The following RNF41 variants were observed in gnomAD, a reference collection of about 807,000 sequenced individuals.
RNF41 encodes ring finger protein 41.
A neutral mutation model predicts 33.0 loss-of-function variants in RNF41; 4 were observed. That is an observed-to-expected ratio of 0.12 (90% CI 0.06 to 0.28). The LOEUF is 0.28. Among genes scored for constraint, RNF41 ranks in the 10% least tolerant of loss-of-function variants. RNF41 has a pLI of 1.00. For synonymous variants in RNF41, 164 were observed against 153.2 expected (o/e 1.07, Z -0.52); for missense variants, 228 against 432.6 (o/e 0.53, Z 4.19).
rs372020439 is a variant in RNF41 at position 56,208,147 on chromosome 12, G to T, written c.498+16C>A. On this transcript the variant is annotated intron_variant, in intron 5 of 6. Transcript: ENST00000345093. The stretch of plus-strand genomic sequence containing the variant: ...GCATATGAGGGATATGTTCTCCCCC[G>T]TGTCTTGGGGCCTACCTGCTCCGCC... The T allele has an allele frequency of 6.2e-7, 1 of 1,614,052 alleles. No homozygotes were observed. Among genetic ancestry groups the T allele is most frequent in the South Asian group, 1.1e-5 (1 of 91,080 alleles).
intron 1 of RNF41, among the ~76,000 whole-genome samples, chr12:56,217,238 C>A (rs982494216): frequency 1.3e-5 from 2 of 151,318 alleles, no homozygotes; most frequent in African/African-American, 4.9e-5. Flanking sequence ...ATAATGATTC[C>A]AAATCTGTGA....
At position 56,217,064 on chromosome 12, in the gene RNF41, T is replaced by C. The variant is rs540845873; in HGVS notation, c.-208-451A>G. Among the ~76,000 whole-genome samples the C allele has an allele frequency of 8.2e-5, 12 of 146,846 alleles. No individual in the cohort carries two copies. The East Asian group carries it at 1.4e-3, about 17-fold the overall frequency. On this transcript the variant is annotated intron_variant, in intron 1 of 6. Transcript: ENST00000345093. ...CTGAGGCAGGAGAATGGCGTGAACC[T>C]AGGAGCTGCAGCTTGCAGTGAGCCG... is the stretch of plus-strand genomic sequence containing the variant.
chr12:56,219,658 T>TACGC, intron 1 of RNF41, among the ~76,000 whole-genome samples: 1 of 150,882 alleles, frequency 6.6e-6, no homozygotes, highest in South Asian at 2.1e-4. Context: ...TGTGTGTGTA[T>TACGC]ATATGTGTAT....
chr12:56,213,061 G>A (rs564297338), intron 3 of RNF41: 5 of 1,289,636 alleles, frequency 3.9e-6, no homozygotes, highest in Non-Finnish European at 5.1e-6. Context: ...GTCTGGCAAG[G>A]CTGGCAGAGA....
intron 3 of RNF41, among the ~76,000 whole-genome samples, chr12:56,210,961 C>T (rs1454321051): frequency 1.3e-5 from 2 of 152,060 alleles, no homozygotes; most frequent in African/African-American, 4.8e-5. Flanking sequence ...CCGAGGCAGG[C>T]GGATCATGAG....
chr12:56,209,818 G>A (rs1592351546), intron 4 of RNF41, among the ~76,000 whole-genome samples: 1 of 152,134 alleles, frequency 6.6e-6, no homozygotes, highest in East Asian at 1.9e-4. Flanking sequence ...TGGCCAGGTT[G>A]GTCTTGAACT....
At chr12:56,220,604 G>A (rs980603372) in intron 1 of RNF41, among the ~76,000 whole-genome samples, 27 of 151,964 alleles carry the variant, frequency 1.8e-4, no homozygotes, top group African/African-American at 5.8e-4. Flanking sequence ...CATGGTGGCA[G>A]GTACCTGTAA....
At position 56,206,565 on chromosome 12, in the gene RNF41, C is replaced by T. The variant is rs1442853313; in HGVS notation, c.836G>A (p.Arg279His). Residue 279 changes from arginine (R) to histidine (H), a missense_variant, in exon 7 of 7, where the codon CGC becomes CAC. Arg to His is a conservative substitution (Grantham distance 29). Around this residue, in one of 2 missense-constraint regions of RNF41, gnomAD observed 199 missense variants for 334.6 expected, o/e 0.59. Transcript: ENST00000345093. This position sits in a 1 kb window ranked among gnomAD's most constrained non-coding sequence, Gnocchi z 5.7. The part of the protein sequence containing the change: ...RRYYENYVAK[R>H]IPGKQAVVVM... ...GACAACAGCCTGCTTGCCAGGGATGCGCTTGGCCACGTAGTTCTCATAGTA... is the reference window on the plus strand; with the variant it reads ...GACAACAGCCTGCTTGCCAGGGATGTGCTTGGCCACGTAGTTCTCATAGTA... 9.3e-6 allele frequency: 15 copies of T among 1,614,066 alleles called. No homozygotes were observed. Among genetic ancestry groups the T allele is most frequent in the Admixed American group, 1.7e-5 (1 of 59,996 alleles).
At chr12:56,213,179 C>T in intron 3 of RNF41, 2 of 1,213,840 alleles carry the variant, frequency 1.6e-6, no homozygotes, top group African/African-American at 1.6e-5. Context: ...TCAGTACATA[C>T]AGTTCCCCAC....
chr12:56,213,857 G>A, intron 3 of RNF41, 101 bp downstream of exon 3: 1 of 810,444 alleles, frequency 1.2e-6, no homozygotes, highest in East Asian at 2.4e-5. Flanking sequence ...GTGGAGAGAA[G>A]AACACAGTGA....
chr12:56,210,055 AATGTT>A, intron 4 of RNF41: 2 of 552,206 alleles, frequency 3.6e-6, no homozygotes, highest in South Asian at 4.5e-5. Flanking sequence ...ATCAAGCTTT[AATGTT>A]ATTACACAAA....
chr12:56,207,273 C>G, intron 6 of RNF41: 1 of 1,335,614 alleles, frequency 7.5e-7, no homozygotes, highest in Non-Finnish European at 9.8e-7. Context: ...CTTTCCTGGA[C>G]TTGCACTCTG....
At chr12:56,220,436 C>G (rs1233592490) in intron 1 of RNF41, among the ~76,000 whole-genome samples, 5 of 151,388 alleles carry the variant, frequency 3.3e-5, no homozygotes, top group Non-Finnish European at 7.4e-5. Context: ...AGGCTGGTCT[C>G]GAACTTTTGA....
intron 4 of RNF41, 119 bp from the exon 5 acceptor site, chr12:56,208,417 A>T: frequency 9.3e-7 from 1 of 1,076,298 alleles, no homozygotes; most frequent in Non-Finnish European, 1.3e-6. Flanking sequence ...AATTTCTAAC[A>T]TTCATTTCAG....
intron 6 of RNF41, 189 bp downstream of exon 6, chr12:56,207,456 TA>T: frequency 1.4e-6 from 1 of 738,786 alleles, no homozygotes. Flanking sequence ...CCCAAACACA[TA>T]AGACATCCTG....
intron 1 of RNF41, among the ~76,000 whole-genome samples, chr12:56,218,647 A>G (rs1181241455): frequency 6.6e-6 from 1 of 151,284 alleles, no homozygotes; most frequent in African/African-American, 2.4e-5. Context: ...GGAAAATGAT[A>G]CCTGCCTTAT....
chr12:56,206,316 G>T lies in RNF41; in HGVS notation c.*131C>A. 1.2e-6 allele frequency: 1 copy of T among 823,804 alleles called. No individual in the cohort carries two copies. 51.0% of individuals were successfully genotyped at this position (823,804 alleles called of 1,614,324 possible). A position where few individuals can be genotyped will look rare whatever the true frequency, so the allele number is the denominator to read the frequency against. Reference sequence around the variant, plus strand: ...ACTACCCCAAGGCCCTTCAGTGCCAGAAGGGCAGGGAGATGTGTGGCTCAG... The same window carrying T: ...ACTACCCCAAGGCCCTTCAGTGCCATAAGGGCAGGGAGATGTGTGGCTCAG... On this transcript the variant is annotated 3_prime_UTR_variant, in exon 7 of 7. Coordinates refer to ENST00000345093, the MANE Select transcript of RNF41 (RefSeq NM_005785.4). This position sits in a 1 kb window ranked among gnomAD's most constrained non-coding sequence, Gnocchi z 5.7.
chr12:56,207,824 G>A, intron 5 of RNF41, 75 bp from the exon 6 acceptor site: 1 of 1,135,438 alleles, frequency 8.8e-7, no homozygotes, highest in African/African-American at 1.5e-5. Context: ...ATCCAAGAAT[G>A]AGGGCAACTG....
chr12:56,202,552 C>G lies in RNF41; in HGVS notation c.*3895G>C, dbSNP rs181048944. On this transcript the variant is annotated 3_prime_UTR_variant, in exon 7 of 7. Transcript: ENST00000345093. ...ATTCCAATAAAGTTTTTTACAAAAG[C>G]AGGCAGTGGGGTTGTAACCTGTAGT... 1.3e-5 allele frequency: 2 copies of G among 152,270 alleles called. No homozygotes were observed. The highest frequency in any genetic ancestry group is 3.9e-4 in the East Asian group (2 of 5,190). 9.4% of individuals were successfully genotyped at this position (152,270 alleles called of 1,614,324 possible). A position where few individuals can be genotyped will look rare whatever the true frequency, so the allele number is the denominator to read the frequency against.
Sources: gnomAD v4.1 joint callset for allele counts (sites outside exome capture counted in the v4.1 genomes callset) on GRCh38, gnomAD v4.1.1 for gene constraint, gnomAD v4.1.1 regional missense constraint, Gnocchi (gnomAD v3.1) non-coding constraint, MANE v1.5 for transcripts, NCBI Gene and HGNC (gene_info 2026-07-23, HGNC 2026-07-21) for gene names.